The following BTAF1 variants were observed in gnomAD, a reference collection of about 807,000 sequenced individuals.
BTAF1 encodes the protein B-TFIID TATA-box binding protein associated factor 1.
A neutral mutation model predicts 227.1 loss-of-function variants in BTAF1; 38 were observed. The observed-to-expected ratio is 0.17, with a 90% confidence interval of 0.13 to 0.22. BTAF1 has a LOEUF of 0.22. BTAF1 is among the 10% of genes least tolerant of loss of function. BTAF1 has a pLI of 1.00. For synonymous variants in BTAF1, 742 were observed against 751.9 expected (o/e 0.99, Z 0.21); for missense variants, 1,598 against 2,204.0 (o/e 0.73, Z 5.51).
intron 11 of BTAF1, 43 bp from the exon 12 acceptor site, chr10:91,962,495 T>A (rs894118831): frequency 3.6e-6 from 5 of 1,384,474 alleles, no homozygotes; most frequent in Non-Finnish European, 4.9e-6. Context: ...GCACAGTAAC[T>A]GTAGAATAGA....
At position 91,942,648 on chromosome 10, in the gene BTAF1, C is replaced by T. The variant is rs3814640; in HGVS notation, c.400+80C>T. ...TCACTGTGGTATGCTGTTCATTAGT[C>T]ACACGTAAACTAACATGTCATGAAA... On this transcript the variant is annotated intron_variant, in intron 4 of 37. Coordinates refer to ENST00000265990, the MANE Select transcript of BTAF1 (RefSeq NM_003972.3). The T allele has an allele frequency of 0.37, 536,504 of 1,440,926 alleles. 103,322 individuals carry two copies. The highest frequency in any genetic ancestry group is 0.51 in the South Asian group (39,084 of 77,228). 89.3% of individuals were successfully genotyped at this position (1,440,926 alleles called of 1,614,324 possible).
chr10:91,974,021 A>T (rs982624161), intron 14 of BTAF1, among the ~76,000 whole-genome samples: 1 of 151,940 alleles, frequency 6.6e-6, no homozygotes, highest in African/African-American at 2.4e-5. Flanking sequence ...CAAAATAATT[A>T]TGTGTCTAAT....
intron 33 of BTAF1, among the ~76,000 whole-genome samples, chr10:92,017,213 A>G (rs1273847793): frequency 1.3e-5 from 2 of 152,192 alleles, no homozygotes; most frequent in African/African-American, 4.8e-5. Context: ...TTCTTAATCG[A>G]GGGGCTAGGG....
chr10:91,996,053 T>C (rs1849125780), intron 23 of BTAF1, among the ~76,000 whole-genome samples: 3 of 152,212 alleles, frequency 2.0e-5, no homozygotes, highest in Non-Finnish European at 4.4e-5. Context: ...TAGGAGAATC[T>C]TGCCAAGTAC....
Position 92,027,222 on chromosome 10 carries a change from T to C in BTAF1, c.5328T>C (p.Asn1776=). The C allele has an allele frequency of 6.2e-7, 1 of 1,613,978 alleles. No individual in the cohort carries two copies. The highest frequency in any genetic ancestry group is 8.5e-7 in the Non-Finnish European group (1 of 1,179,912). The change falls in exon 37 of 38, where the codon AAT becomes AAC. Residue 1776 remains asparagine, a synonymous_variant. Coordinates refer to ENST00000265990, the MANE Select transcript of BTAF1 (RefSeq NM_003972.3). The part of the protein sequence containing the change: ...GLQKFKMNIA[N]TVISQENSSL... ...AGAAATTCAAGATGAACATAGCGAATACTGTTATTAGCCAAGAGAATTCTA... is the reference window on the plus strand; with the variant it reads ...AGAAATTCAAGATGAACATAGCGAACACTGTTATTAGCCAAGAGAATTCTA...
chr10:92,000,029 G>T (rs1186946802), intron 25 of BTAF1, among the ~76,000 whole-genome samples: 2 of 152,164 alleles, frequency 1.3e-5, no homozygotes, highest in South Asian at 2.1e-4. Context: ...TGATCTGGTT[G>T]TATAGATGTT....
chr10:91,945,351 T>G (rs1750298957), intron 4 of BTAF1, among the ~76,000 whole-genome samples: 1 of 152,184 alleles, frequency 6.6e-6, no homozygotes, highest in South Asian at 2.1e-4. Context: ...AAACTTAAGT[T>G]TAGTAATGTT....
chr10:91,926,249 CA>C (rs1428871842), intron 1 of BTAF1, among the ~76,000 whole-genome samples: 1 of 152,186 alleles, frequency 6.6e-6, no homozygotes, highest in Non-Finnish European at 1.5e-5. Context: ...AGATAAAAAT[CA>C]TATGCTAAAA....
In BTAF1 at chr10:91,992,288, T is replaced by A; in HGVS notation, c.3024T>A (p.Asn1008Lys). 6.2e-7 allele frequency: 1 copy of A among 1,609,548 alleles called. No homozygotes were observed. Among genetic ancestry groups the A allele is most frequent in the South Asian group, 1.1e-5 (1 of 90,082 alleles). ...IADLPAGSSG[N>K]ILVELDEAQK... ...ATCTTCCTGCAGGAAGTAGTGGAAA[T>A]ATTCTTGTTGAACTTGATGAGGTAA... is the stretch of plus-strand genomic sequence containing the variant. The change falls in exon 21 of 38, where the codon AAT (asparagine) becomes AAA (lysine). Residue 1008 changes from asparagine to lysine, a missense_variant. By Grantham distance (94) the Asn-to-Lys change is moderately conservative. This residue lies in a region of BTAF1 where 425 missense variants were observed against 491.2 expected (regional missense o/e 0.87). Coordinates refer to ENST00000265990, the MANE Select transcript of BTAF1 (RefSeq NM_003972.3).
Position 91,996,583 on chromosome 10 carries a change from A to G in BTAF1, c.3511+13A>G. On this transcript the variant is annotated intron_variant, in intron 24 of 37. Coordinates refer to ENST00000265990, the MANE Select transcript of BTAF1 (RefSeq NM_003972.3). ...GAAGCACTTGCCTGTATCCTTTTTC[A>G]TTTGACAAACTGTTCAGGAATTATA... 6.2e-7 allele frequency: 1 copy of G among 1,611,236 alleles called. No homozygotes were observed. The highest frequency in any genetic ancestry group is 1.1e-5 in the South Asian group (1 of 91,002).
At chr10:92,016,872 G>C (rs1850777502) in intron 33 of BTAF1, among the ~76,000 whole-genome samples, 2 of 152,068 alleles carry the variant, frequency 1.3e-5, no homozygotes, top group Non-Finnish European at 1.5e-5. Flanking sequence ...TCAATATTAT[G>C]TATACATTCT....
intron 7 of BTAF1, among the ~76,000 whole-genome samples, 194 bp downstream of exon 7, chr10:91,956,851 G>A (rs532159198): frequency 9.9e-5 from 15 of 152,066 alleles, no homozygotes; most frequent in Admixed American, 7.2e-4. Flanking sequence ...TTAGCCAGAC[G>A]TGGTGGCACG....
rs558247649 is a variant in BTAF1, at chr10:91,964,393, A to AT, written c.1529+202dup. Among the ~76,000 whole-genome samples, 51 of 149,124 alleles carry AT rather than the reference A, an allele frequency of 3.4e-4. No individual in the cohort carries two copies. The South Asian group carries it at 4.3e-3, about 12-fold the overall frequency. Reference sequence around the variant, plus strand: ...ATTCGGGCAGCAGCTTACAAAGATCATTTTTTTTTTACCCTTGAGATATTT... The same window carrying AT: ...ATTCGGGCAGCAGCTTACAAAGATCATTTTTTTTTTTACCCTTGAGATATTT... On this transcript the variant is annotated intron_variant, in intron 13 of 37. Coordinates refer to ENST00000265990, the MANE Select transcript of BTAF1 (RefSeq NM_003972.3).
intron 4 of BTAF1, among the ~76,000 whole-genome samples, chr10:91,943,016 CTA>C (rs1195972913): frequency 5.3e-5 from 8 of 151,988 alleles, no homozygotes; most frequent in Non-Finnish European, 1.0e-4. Context: ...AACGCAAAAA[CTA>C]AGAGTGAAAA....
At chr10:91,989,920 GTTAT>G (rs1354912177) in intron 20 of BTAF1, among the ~76,000 whole-genome samples, 12 of 152,158 alleles carry the variant, frequency 7.9e-5, no homozygotes, top group Admixed American at 7.2e-4. Flanking sequence ...TGTATCAAAT[GTTAT>G]TTAATGAATT....
chr10:91,925,392 G>A (rs1386733480), intron 1 of BTAF1, among the ~76,000 whole-genome samples: 1 of 152,092 alleles, frequency 6.6e-6, no homozygotes, highest in Non-Finnish European at 1.5e-5. Flanking sequence ...AGGTAATAGT[G>A]TTTAAGGAGA....
intron 14 of BTAF1, among the ~76,000 whole-genome samples, chr10:91,979,633 C>T (rs1847938934): frequency 6.6e-6 from 1 of 152,034 alleles, no homozygotes; most frequent in African/African-American, 2.4e-5. Context: ...GTACTTTGAG[C>T]TAGTTAGTAG....
At chr10:91,928,706 A>C (rs1345986223) in intron 1 of BTAF1, among the ~76,000 whole-genome samples, 1 of 151,082 alleles carries the variant, frequency 6.6e-6, no homozygotes, top group African/African-American at 2.5e-5. Context: ...CGGTAAAAGC[A>C]ACCTTTGCGA....
At chr10:91,991,580 A>G (rs969321163) in intron 20 of BTAF1, among the ~76,000 whole-genome samples, 1 of 150,864 alleles carries the variant, frequency 6.6e-6, no homozygotes, top group Non-Finnish European at 1.5e-5. Context: ...GTGAAACCCT[A>G]TCTCTTCAAA....
Sources: allele counts gnomAD v4.1 joint callset (sites outside exome capture counted in the v4.1 genomes callset), GRCh38; gene constraint gnomAD v4.1.1; regional missense constraint gnomAD v4.1.1; transcripts MANE v1.5; gene names NCBI Gene and HGNC (gene_info 2026-07-23, HGNC 2026-07-21).